NCALD: variants seen among roughly 807,000 people sequenced by gnomAD.
NCALD encodes neurocalcin-delta.
NCALD carries 10 observed loss-of-function variants against 18.6 expected under a neutral mutation model. That is an observed-to-expected ratio of 0.54 (90% CI 0.33 to 0.91). The LOEUF is 0.91. Ranked by LOEUF, NCALD falls within the 40% of genes least tolerant of loss-of-function variation. The pLI, the probability that NCALD is intolerant of heterozygous loss-of-function variation, is 0.03. For missense variants in NCALD, 184 were observed against 247.6 expected, an observed-to-expected ratio of 0.74 and a Z score of 1.72; for synonymous variants, 88 against 87.4, an observed-to-expected ratio of 1.01 and a Z score of -0.04.
At chr8:101,834,962 CTG>C (rs1207493589) in intron 4 of NCALD, among the ~76,000 whole-genome samples, 3 of 152,242 alleles carry the variant, frequency 2.0e-5, no homozygotes, top group South Asian at 4.1e-4. Flanking sequence ...AGCTCCCTAT[CTG>C]TGTGGTCTTA....
intron 2 of NCALD, among the ~76,000 whole-genome samples, chr8:101,961,290 G>A (rs907463999): frequency 1.3e-4 from 20 of 152,114 alleles, no homozygotes; most frequent in African/African-American, 4.3e-4. Flanking sequence ...AAATATCAGG[G>A]AAACTGAATT....
intron 4 of NCALD, among the ~76,000 whole-genome samples, chr8:101,845,216 A>G (rs987684637): frequency 6.6e-6 from 1 of 152,250 alleles, no homozygotes; most frequent in African/African-American, 2.4e-5. Flanking sequence ...GCTGAACTAA[A>G]GAGTGAGCCC....
intron 1 of NCALD, among the ~76,000 whole-genome samples, chr8:102,093,435 CT>C (rs1824991209): frequency 6.6e-6 from 1 of 152,152 alleles, no homozygotes. Context: ...AGCAAAGTGC[CT>C]AGCTAAAAAT....
intron 2 of NCALD, among the ~76,000 whole-genome samples, chr8:101,973,548 A>G (rs181021267): frequency 5.3e-5 from 8 of 152,302 alleles, no homozygotes; most frequent in Non-Finnish European, 1.2e-4. Context: ...CTGTCCCCCA[A>G]CTGGTATCCA....
intron 2 of NCALD, among the ~76,000 whole-genome samples, chr8:101,977,487 G>A (rs946757793): frequency 6.6e-6 from 1 of 152,154 alleles, no homozygotes; most frequent in African/African-American, 2.4e-5. Flanking sequence ...TTGCTAAAAG[G>A]CATTTAAAAA....
In NCALD at chr8:101,694,788, T is replaced by C. The variant is rs552242515; in HGVS notation, c.379-1892A>G. Among the ~76,000 whole-genome samples, 11 of 152,256 alleles carry C rather than the reference T, an allele frequency of 7.2e-5. No individual in the cohort carries two copies. In the East Asian group the frequency reaches 1.9e-3, roughly 27 times the overall value. On this transcript the variant is annotated intron_variant, in intron 2 of 3. Transcript: ENST00000220931. The stretch of plus-strand genomic sequence containing the variant: ...CAACTGTGCTGGGGCTGTAGTGCCA[T>C]GTGCCTCACTGCCGGGGACACGTAA...
chr8:101,838,428 G>A (rs1814502922), intron 4 of NCALD, among the ~76,000 whole-genome samples: 1 of 152,078 alleles, frequency 6.6e-6, no homozygotes, highest in Non-Finnish European at 1.5e-5. Flanking sequence ...CACCATGTTG[G>A]CCAGGATGGT....
chr8:101,957,288 G>GTTTTTTT (rs1563932101), intron 2 of NCALD, among the ~76,000 whole-genome samples: 1 of 128,188 alleles, frequency 7.8e-6, no homozygotes, highest in African/African-American at 3.1e-5. Context: ...GAAAAGTTGG[G>GTTTTTTT]GTTTTTTTTT....
intron 4 of NCALD, among the ~76,000 whole-genome samples, chr8:101,884,742 G>T (rs1816613842): frequency 6.6e-6 from 1 of 151,618 alleles, no homozygotes; most frequent in Non-Finnish European, 1.5e-5. Flanking sequence ...TAGCTGTTTT[G>T]GCATTAAGAA....
At chr8:102,111,460 T>A (rs1286971513) in intron 1 of NCALD, among the ~76,000 whole-genome samples, 1 of 151,892 alleles carries the variant, frequency 6.6e-6, no homozygotes, top group East Asian at 1.9e-4. Flanking sequence ...CATGTGTGTC[T>A]GAGTGTTGCT....
chr8:101,943,411 C>T (rs7843596), intron 2 of NCALD, among the ~76,000 whole-genome samples: 11,236 of 152,214 alleles, frequency 0.074, 1,089 homozygotes, highest in African/African-American at 0.21. Context: ...CATTATTCCC[C>T]GTTCCTCTTA....
chr8:101,945,290 GAC>G (rs2131778549), intron 2 of NCALD, among the ~76,000 whole-genome samples: 1 of 152,312 alleles, frequency 6.6e-6, no homozygotes, highest in Non-Finnish European at 1.5e-5. Context: ...GATCAAAATA[GAC>G]ACAGTCCCTG....
chr8:101,715,039 C>A (rs976032355), intron 2 of NCALD, among the ~76,000 whole-genome samples: 1 of 151,338 alleles, frequency 6.6e-6, no homozygotes, highest in Non-Finnish European at 1.5e-5. Flanking sequence ...AGGCATCATG[C>A]TACCTGACTT....
chr8:101,916,682 A>G (rs981819094), intron 2 of NCALD, among the ~76,000 whole-genome samples: 1 of 152,150 alleles, frequency 6.6e-6, no homozygotes, highest in Non-Finnish European at 1.5e-5. Context: ...AGAAAACAAA[A>G]CAAAAAAAGC....
intron 2 of NCALD, among the ~76,000 whole-genome samples, chr8:101,922,435 C>T (rs1197632619): frequency 6.6e-6 from 1 of 152,158 alleles, no homozygotes; most frequent in Non-Finnish European, 1.5e-5. Flanking sequence ...GAAACACATC[C>T]TATCTTACCT....
chr8:102,097,942 G>A (rs961138308), intron 1 of NCALD, among the ~76,000 whole-genome samples: 20 of 152,306 alleles, frequency 1.3e-4, no homozygotes, highest in African/African-American at 3.6e-4. Context: ...CACAGAACAC[G>A]CTGTGAATCG....
intron 4 of NCALD, among the ~76,000 whole-genome samples, chr8:101,859,823 A>G (rs953757783): frequency 1.3e-5 from 2 of 152,168 alleles, no homozygotes; most frequent in Admixed American, 6.5e-5. Context: ...CAAAACAGTA[A>G]CATAAGAACA....
chr8:102,084,999 C>T (rs896200127), intron 1 of NCALD, among the ~76,000 whole-genome samples: 1 of 152,162 alleles, frequency 6.6e-6, no homozygotes, highest in African/African-American at 2.4e-5. Flanking sequence ...GTTAAGAAAT[C>T]TGCAGGTGTC....
chr8:101,699,354 G>A (rs972688573), intron 2 of NCALD, among the ~76,000 whole-genome samples: 6 of 152,306 alleles, frequency 3.9e-5, no homozygotes, highest in Admixed American at 3.3e-4. Flanking sequence ...ACAGTGTGGC[G>A]ATTCCTCAAG....
Sources: allele counts gnomAD v4.1 joint callset (sites outside exome capture counted in the v4.1 genomes callset), GRCh38; gene constraint gnomAD v4.1.1; transcripts MANE v1.5; gene names NCBI Gene and HGNC (gene_info 2026-07-23, HGNC 2026-07-21).